The following OCA2 variants were observed in gnomAD, a reference collection of about 807,000 sequenced individuals.
OCA2 encodes the protein OCA2 melanosomal transmembrane protein.
OCA2 carries 77 observed loss-of-function variants against 100.2 expected under a neutral mutation model. The ratio of observed to expected loss-of-function variants is 0.77; its 90% CI spans 0.64 to 0.93. The LOEUF (loss-of-function observed/expected upper bound fraction) is 0.93, where lower values mean the gene tolerates loss of function less well. Ranked by LOEUF, OCA2 falls within the 40% of genes least tolerant of loss-of-function variation. The pLI is 0.00. For synonymous variants in OCA2, 432 were observed against 439.2 expected (o/e 0.98, Z 0.21); for missense variants, 1,062 against 1,089.1 (o/e 0.98, Z 0.35).
At chr15:27,935,046 C>A (rs1465430333) in intron 18 of OCA2, among the ~76,000 whole-genome samples, 2 of 152,148 alleles carry the variant, frequency 1.3e-5, no homozygotes, top group Non-Finnish European at 2.9e-5. Flanking sequence ...TCAGCACCGG[C>A]TCCTCAGGGA....
chr15:28,079,658 G>A (rs1404117625), intron 2 of OCA2, among the ~76,000 whole-genome samples: 5 of 152,202 alleles, frequency 3.3e-5, no homozygotes, highest in Non-Finnish European at 5.9e-5. Flanking sequence ...CCGCATGGGA[G>A]GTGTGGCTCA....
At chr15:27,799,657 A>C (rs1165875857) in intron 23 of OCA2, among the ~76,000 whole-genome samples, 1 of 151,686 alleles carries the variant, frequency 6.6e-6, no homozygotes, top group Admixed American at 6.6e-5. Context: ...AGACAGGAGA[A>C]TTGCTTGAAC....
In OCA2 at chr15:28,018,453, C is replaced by A; in HGVS notation, c.751G>T (p.Val251Leu). The A allele has an allele frequency of 6.2e-7, 1 of 1,614,108 alleles. No individual in the cohort carries two copies. The highest frequency in any genetic ancestry group is 2.2e-5 in the East Asian group (1 of 44,888). ...GCGTCAGCCTGGGTCAGCTCCACCA[C>A]GATGTGCTCTTCCCTCCCAGGACGA... ...PSRPGREEHI[V>L]VELTQADALG... The change falls in exon 7 of 24, where the codon GTG (valine) becomes TTG (leucine). Residue 251 changes from valine to leucine, a missense_variant. Coordinates refer to ENST00000354638, the MANE Select transcript of OCA2 (RefSeq NM_000275.3).
rs2040260701 is a variant in OCA2, at chr15:27,957,453, T to C, written c.1784+135A>G. 1.9e-6 allele frequency: 2 copies of C among 1,051,932 alleles called. No homozygotes were observed. Among genetic ancestry groups the C allele is most frequent in the Admixed American group, 1.7e-5 (1 of 57,436 alleles). The allele number at this position is 1,051,932 out of a possible 1,614,324, so 65.2% of individuals were successfully genotyped here. A position where few individuals can be genotyped will look rare whatever the true frequency, so the allele number is the denominator to read the frequency against. ...AGCTCAGTGAGGGTTAGATAAAATG[T>C]ACTATAAGAGGCTTAGCACAGTGTG... On this transcript the variant is annotated intron_variant, in intron 16 of 23. Transcript: ENST00000354638. The surrounding 1 kb of genome is among the most constrained non-coding windows in gnomAD (Gnocchi z 4.3).
chr15:27,755,115 T>TA lies in OCA2; in HGVS notation c.*272dup, dbSNP rs1227109879. ...GTATAGCAGGAAGGGTTTTTAAACA[T>TA]ACGTATTTTTCTGGAGGGGAATCTT... On this transcript the variant is annotated 3_prime_UTR_variant, in exon 24 of 24. Coordinates refer to ENST00000354638, the MANE Select transcript of OCA2 (RefSeq NM_000275.3). 6.6e-5 allele frequency: 28 copies of TA among 426,490 alleles called. No homozygotes were observed. The highest frequency in any genetic ancestry group is 1.2e-4 in the Non-Finnish European group (27 of 227,010). The allele number at this position is 426,490 out of a possible 1,614,324, so 26.4% of individuals were successfully genotyped here. A position where few individuals can be genotyped will look rare whatever the true frequency, so the allele number is the denominator to read the frequency against.
intron 2 of OCA2, among the ~76,000 whole-genome samples, chr15:28,033,143 A>G (rs1219781335): frequency 6.6e-6 from 1 of 152,242 alleles, no homozygotes; most frequent in Non-Finnish European, 1.5e-5. Context: ...CTGCACAACC[A>G]CAACCGGCAT....
chr15:27,875,161 G>T (rs754378184), intron 19 of OCA2, among the ~76,000 whole-genome samples: 1 of 152,096 alleles, frequency 6.6e-6, no homozygotes, highest in South Asian at 2.1e-4. Context: ...ACAATAAACA[G>T]ATAATGGAGT....
chr15:27,770,805 CCTTCCTTCCTCCCTTCCATT>C (rs1257082532), intron 23 of OCA2, among the ~76,000 whole-genome samples: 7 of 128,588 alleles, frequency 5.4e-5, no homozygotes, highest in Admixed American at 1.5e-4. Flanking sequence ...TCCCTCTTTT[CCTTCCTTCCTCCCTTCCATT>C]CTTCCTTCCT....
chr15:28,008,858 C>T (rs541371663), intron 9 of OCA2, among the ~76,000 whole-genome samples: 1 of 152,334 alleles, frequency 6.6e-6, no homozygotes, highest in South Asian at 2.1e-4. Flanking sequence ...CAGGCAGGGG[C>T]ATCTGCAAGC....
intron 2 of OCA2, among the ~76,000 whole-genome samples, chr15:28,056,125 G>A (rs571563719): frequency 2.6e-5 from 4 of 152,210 alleles, no homozygotes; most frequent in South Asian, 2.1e-4. Context: ...TGCCTGCAAC[G>A]CTGACTGGGG....
intron 23 of OCA2, among the ~76,000 whole-genome samples, chr15:27,770,761 T>TTTTCCTTCCTTCCTTC (rs2031679983): frequency 1.8e-5 from 1 of 56,394 alleles, no homozygotes; most frequent in African/African-American, 5.0e-5. Flanking sequence ...TTCCTTCCTC[T>TTTTCCTTCCTTCCTTC]CTCCCTCCCT....
At chr15:27,762,362 A>C (rs529896346) in intron 23 of OCA2, among the ~76,000 whole-genome samples, 1 of 152,274 alleles carries the variant, frequency 6.6e-6, no homozygotes, top group Admixed American at 6.5e-5. Context: ...CCCACCATAA[A>C]TCTTATTCAA....
chr15:27,778,512 TG>T (rs1375373751), intron 23 of OCA2, among the ~76,000 whole-genome samples: 1 of 152,172 alleles, frequency 6.6e-6, no homozygotes, highest in Non-Finnish European at 1.5e-5. Flanking sequence ...CAAGAGACAC[TG>T]CACAGAAGAC....
intron 23 of OCA2, among the ~76,000 whole-genome samples, chr15:27,796,018 T>A (rs1011446950): frequency 6.6e-6 from 1 of 152,028 alleles, no homozygotes; most frequent in Non-Finnish European, 1.5e-5. Flanking sequence ...AGCATCATAA[T>A]TGAGTTTGTT....
chr15:27,846,597 C>T (rs750061496), intron 22 of OCA2, among the ~76,000 whole-genome samples: 2 of 152,178 alleles, frequency 1.3e-5, no homozygotes, highest in Non-Finnish European at 2.9e-5. Flanking sequence ...GCAGGCAGGT[C>T]CTGCCCAGGT....
chr15:27,855,990 C>T lies in OCA2; in HGVS notation c.2245-4515G>A, dbSNP rs191549258. Among the ~76,000 whole-genome samples the T allele has an allele frequency of 3.9e-3, 597 of 152,232 alleles. 2 individuals are homozygous for T. The highest frequency in any genetic ancestry group is 6.6e-3 in the Non-Finnish European group (448 of 68,020). On this transcript the variant is annotated intron_variant, in intron 21 of 23. Transcript: ENST00000354638. ...CTTCATTGCCGCACGGCTCTGAAGG[C>T]GAGAGTGTGAAACCAGGTGTTGGCC... is the stretch of plus-strand genomic sequence containing the variant.
At chr15:28,056,022 T>C (rs1053009737) in intron 2 of OCA2, among the ~76,000 whole-genome samples, 1 of 151,942 alleles carries the variant, frequency 6.6e-6, no homozygotes, top group Non-Finnish European at 1.5e-5. Flanking sequence ...CCCAGAGCAG[T>C]GTCTGTTCCT....
intron 9 of OCA2, among the ~76,000 whole-genome samples, chr15:27,994,081 G>A (rs2041642348): frequency 6.6e-6 from 1 of 152,068 alleles, no homozygotes. Flanking sequence ...TTTAAAGCAG[G>A]GGTCCCCAAC....
At chr15:27,950,620 A>G (rs1348174702) in intron 18 of OCA2, 2 of 491,532 alleles carry the variant, frequency 4.1e-6, no homozygotes, top group Non-Finnish European at 8.1e-6. Flanking sequence ...CTGCAAATAC[A>G]TAACACAAAG....
Sources: gnomAD v4.1 joint callset for allele counts (sites outside exome capture counted in the v4.1 genomes callset) on GRCh38, gnomAD v4.1.1 for gene constraint, Gnocchi (gnomAD v3.1) non-coding constraint, MANE v1.5 for transcripts, NCBI Gene and HGNC (gene_info 2026-07-23, HGNC 2026-07-21) for gene names.